Variants in WWTR1 observed in about 807,000 individuals in gnomAD.
The protein encoded by WWTR1 is WW domain containing transcription regulator 1, also known as WW domain-containing transcription regulator protein 1.
Under a neutral mutation model 40.1 loss-of-function variants are expected in WWTR1, and 13 were observed. The observed-to-expected ratio is 0.32, with a 90% CI of 0.21 to 0.52. WWTR1 has a LOEUF of 0.52. WWTR1 is among the 20% of genes least tolerant of loss of function. The pLI is 0.97. For missense variants in WWTR1, 436 were observed against 523.1 expected (o/e 0.83, Z 1.63); for synonymous variants, 230 against 210.1 (o/e 1.09, Z -0.82).
At chr3:149,592,560 G>C (rs1032080723) in intron 2 of WWTR1, among the ~76,000 whole-genome samples, 9 of 152,162 alleles carry the variant, frequency 5.9e-5, no homozygotes, top group Admixed American at 5.2e-4. Flanking sequence ...ATAGATTAGA[G>C]AGATTAATCG....
At chr3:149,605,103 G>A (rs949919467) in intron 2 of WWTR1, among the ~76,000 whole-genome samples, 3 of 152,202 alleles carry the variant, frequency 2.0e-5, no homozygotes, top group African/African-American at 7.2e-5. Context: ...ATACACAGGA[G>A]AAACTGTAAG....
intron 3 of WWTR1, among the ~76,000 whole-genome samples, chr3:149,545,148 T>C (rs889267406): frequency 6.6e-6 from 1 of 152,222 alleles, no homozygotes; most frequent in African/African-American, 2.4e-5. Flanking sequence ...GAGCTTGTTA[T>C]AGTATAATTA....
At chr3:149,671,279 C>T (rs1179598085) in intron 1 of WWTR1, among the ~76,000 whole-genome samples, 4 of 152,122 alleles carry the variant, frequency 2.6e-5, no homozygotes, top group Non-Finnish European at 4.4e-5. Context: ...GGACTCCTGA[C>T]AAGCAAGGAC....
chr3:149,703,957 T>C (rs555844975), upstream of WWTR1, among the ~76,000 whole-genome samples: 14 of 152,256 alleles, frequency 9.2e-5, no homozygotes, highest in Non-Finnish European at 1.6e-4. Context: ...AGCTTGAGTA[T>C]TCCTTTATAG....
chr3:149,696,160 T>C (rs1467452527), intron 1 of WWTR1, among the ~76,000 whole-genome samples: 1 of 149,720 alleles, frequency 6.7e-6, no homozygotes, highest in Non-Finnish European at 1.5e-5. Flanking sequence ...AGTGGCAGTG[T>C]CTTTAAGGAA....
At chr3:149,581,362 C>T (rs1452101878) in intron 2 of WWTR1, among the ~76,000 whole-genome samples, 1 of 151,360 alleles carries the variant, frequency 6.6e-6, no homozygotes, top group Admixed American at 6.6e-5. Flanking sequence ...AAAAAAAAGA[C>T]TCATGCCATA....
chr3:149,587,553 A>G (rs1738486943), intron 2 of WWTR1, among the ~76,000 whole-genome samples: 1 of 152,300 alleles, frequency 6.6e-6, no homozygotes, highest in South Asian at 2.1e-4. Context: ...AGCCACTTTT[A>G]CACTGTGCCT....
chr3:149,594,761 A>G (rs1322398646), intron 2 of WWTR1, among the ~76,000 whole-genome samples: 1 of 151,746 alleles, frequency 6.6e-6, no homozygotes, highest in African/African-American at 2.4e-5. Flanking sequence ...CAGAGCTACA[A>G]AAGACATTTT....
rs1032305668 is a variant in WWTR1, at chr3:149,615,594, A to G, written c.431+41282T>C. ...CTCCAATTACGAATCAGTATTTCGT[A>G]CCCAGTGCACAAATAATTAAGCTCT... is the stretch of plus-strand genomic sequence containing the variant. On this transcript the variant is annotated intron_variant, in intron 2 of 6. Transcript: ENST00000360632. Among the ~76,000 whole-genome samples the G allele has an allele frequency of 5.3e-5, 8 of 152,374 alleles. No individual in the cohort carries two copies. The South Asian group carries it at 1.7e-3, about 32-fold the overall frequency.
At chr3:149,607,790 A>T (rs957613611) in intron 2 of WWTR1, among the ~76,000 whole-genome samples, 1 of 152,260 alleles carries the variant, frequency 6.6e-6, no homozygotes, top group African/African-American at 2.4e-5. Flanking sequence ...AAAAGTCAAC[A>T]AAGACCTGTG....
rs929716849 is a variant in WWTR1, at chr3:149,542,436, C to T, written c.670G>A (p.Ala224Thr). Residue 224 changes from alanine (A) to threonine (T), a missense_variant, in exon 4 of 7, where the codon GCG becomes ACG. Ala to Thr is a moderately conservative substitution (Grantham distance 58). Transcript: ENST00000360632. ...TGCTGCTGCTGCTGAGTGGTCAGCG[C>T]ATTGGGCATACTCATGAGCCCTGCG... ...PPAGLMSMPN[A>T]LTTQQQQQQK... is the part of the protein sequence containing the mutation. 1.1e-5 allele frequency: 17 copies of T among 1,614,018 alleles called. No homozygotes were observed. The highest frequency in any genetic ancestry group is 1.4e-5 in the Non-Finnish European group (17 of 1,180,014).
chr3:149,560,398 G>A (rs899985726), intron 3 of WWTR1, among the ~76,000 whole-genome samples: 5 of 152,206 alleles, frequency 3.3e-5, no homozygotes, highest in Non-Finnish European at 5.9e-5. Flanking sequence ...CAGTGACCCA[G>A]GCAGAAATGA....
intron 1 of WWTR1, among the ~76,000 whole-genome samples, chr3:149,683,850 G>A (rs1379988911): frequency 6.6e-6 from 1 of 152,190 alleles, no homozygotes; most frequent in African/African-American, 2.4e-5. Context: ...ACGAGCTGGG[G>A]TGGAGATTAT....
upstream of WWTR1, chr3:149,660,994 G>T (rs752089403): frequency 1.3e-5 from 2 of 152,080 alleles, no homozygotes; most frequent in Non-Finnish European, 2.9e-5. Flanking sequence ...ATCTGGACTG[G>T]GCCAGTGATT....
At chr3:149,649,848 A>G (rs968893097) in intron 2 of WWTR1, 3 of 148,582 alleles carry the variant, frequency 2.0e-5, no homozygotes, top group Admixed American at 6.9e-5. Context: ...ACCTGGGAGC[A>G]GGAGGCTGCC....
intron 2 of WWTR1, among the ~76,000 whole-genome samples, chr3:149,588,568 A>G (rs1425681817): frequency 6.6e-6 from 1 of 152,140 alleles, no homozygotes; most frequent in Non-Finnish European, 1.5e-5. Flanking sequence ...ATGGATCTGT[A>G]TTTGCTAAAA....
At chr3:149,583,861 ACT>A (rs1180859706) in intron 2 of WWTR1, among the ~76,000 whole-genome samples, 1 of 151,866 alleles carries the variant, frequency 6.6e-6, no homozygotes, top group African/African-American at 2.4e-5. Context: ...AACAGCACAG[ACT>A]CTATTGTTTT....
chr3:149,707,824 C>T (rs1715369213), upstream of WWTR1, among the ~76,000 whole-genome samples: 1 of 150,818 alleles, frequency 6.6e-6, no homozygotes, highest in Non-Finnish European at 1.5e-5. Context: ...GTCTCTACCG[C>T]CTGCTCAGGC....
chr3:149,652,726 C>A (rs780667904), intron 2 of WWTR1, among the ~76,000 whole-genome samples: 1 of 131,020 alleles, frequency 7.6e-6, no homozygotes, highest in Admixed American at 7.7e-5. Context: ...AAACATCAAA[C>A]CTGGGAGAGA....
Sources: allele counts gnomAD v4.1 joint callset (sites outside exome capture counted in the v4.1 genomes callset), GRCh38; gene constraint gnomAD v4.1.1; transcripts MANE v1.5; gene names NCBI Gene and HGNC (gene_info 2026-07-23, HGNC 2026-07-21).